Variants in CDH9 observed in about 807,000 individuals in gnomAD.
The protein encoded by CDH9 is cadherin-9.
CDH9 carries 28 observed loss-of-function variants against 70.9 expected under a neutral mutation model. That is an observed-to-expected ratio of 0.40 (90% CI 0.29 to 0.54). The LOEUF is 0.54. CDH9 is among the 20% of genes least tolerant of loss of function. The pLI, the probability that CDH9 is intolerant of heterozygous loss-of-function variation, is 0.59. For missense variants in CDH9, 874 were observed against 984.4 expected (o/e 0.89, Z 1.50); for synonymous variants, 409 against 343.1 (o/e 1.19, Z -2.12).
chr5:26,926,918 C>CT (rs1554037344), intron 2 of CDH9, among the ~76,000 whole-genome samples: 7 of 47,722 alleles, frequency 1.5e-4, no homozygotes, highest in African/African-American at 5.4e-4. Flanking sequence ...AAAAATACAG[C>CT]CCCCCCCCGC....
At chr5:27,030,193 G>A (rs911752107) in intron 1 of CDH9, among the ~76,000 whole-genome samples, 6 of 151,860 alleles carry the variant, frequency 4.0e-5, no homozygotes, top group Non-Finnish European at 7.4e-5. Context: ...TTCGTGAATT[G>A]TGACCTTGAC....
At position 26,914,731 on chromosome 5, in the gene CDH9, T is replaced by A. The variant is rs575461804; in HGVS notation, c.523+899A>T. Among the ~76,000 whole-genome samples the A allele has an allele frequency of 7.2e-5, 11 of 152,178 alleles. 1 individual carries two copies. In the South Asian group the frequency reaches 2.3e-3, roughly 32 times the overall value. On this transcript the variant is annotated intron_variant, in intron 3 of 11. Transcript: ENST00000231021. ...TCCTTCTATAGAAATTATTTTAGAC[T>A]GAAACATATATTAGTTATAAGAATG...
intron 7 of CDH9, among the ~76,000 whole-genome samples, chr5:26,897,348 A>G (rs1366014067): frequency 1.3e-5 from 2 of 151,950 alleles, no homozygotes; most frequent in Non-Finnish European, 2.9e-5. Context: ...ATAACAAAAC[A>G]TGTCAGAGAC....
chr5:26,994,983 G>A (rs1742643568), intron 1 of CDH9, among the ~76,000 whole-genome samples: 1 of 152,154 alleles, frequency 6.6e-6, no homozygotes, highest in South Asian at 2.1e-4. Flanking sequence ...AGCTTACCCC[G>A]TTTTAGTCTC....
chr5:26,884,651 G>T (rs1261457146), intron 11 of CDH9, among the ~76,000 whole-genome samples: 1 of 152,144 alleles, frequency 6.6e-6, no homozygotes, highest in African/African-American at 2.4e-5. Context: ...ATCCCCTACT[G>T]AAGTCCTGCA....
At chr5:26,917,665 A>C (rs901651282) in intron 2 of CDH9, among the ~76,000 whole-genome samples, 1 of 152,030 alleles carries the variant, frequency 6.6e-6, no homozygotes, top group African/African-American at 2.4e-5. Context: ...CCATCTCTGA[A>C]ATATCTTCTC....
At chr5:26,921,288 G>A (rs1741239306) in intron 2 of CDH9, among the ~76,000 whole-genome samples, 1 of 152,106 alleles carries the variant, frequency 6.6e-6, no homozygotes, top group Non-Finnish European at 1.5e-5. Flanking sequence ...TAACCTGTCA[G>A]AATATAGCTT....
chr5:27,015,049 C>G (rs1016682588), intron 1 of CDH9, among the ~76,000 whole-genome samples: 2 of 151,836 alleles, frequency 1.3e-5, no homozygotes, highest in Non-Finnish European at 2.9e-5. Flanking sequence ...AAACTTTCAA[C>G]AATTTGAATG....
intron 7 of CDH9, among the ~76,000 whole-genome samples, chr5:26,896,063 A>G (rs1406268526): frequency 6.6e-6 from 1 of 152,030 alleles, no homozygotes; most frequent in Non-Finnish European, 1.5e-5. Context: ...ATACAATTTG[A>G]GATTAATTTC....
intron 2 of CDH9, among the ~76,000 whole-genome samples, chr5:26,949,354 G>A (rs1254170518): frequency 6.6e-6 from 1 of 152,138 alleles, no homozygotes; most frequent in Non-Finnish European, 1.5e-5. Flanking sequence ...TGAGTTTAAA[G>A]CCAACTTTAG....
At chr5:26,986,911 C>T (rs965406511) in intron 2 of CDH9, among the ~76,000 whole-genome samples, 7 of 151,730 alleles carry the variant, frequency 4.6e-5, no homozygotes, top group African/African-American at 1.7e-4. Flanking sequence ...ACCTATGGAA[C>T]CAGAAAAGAG....
chr5:26,900,882 C>A (rs1740843668), intron 7 of CDH9, among the ~76,000 whole-genome samples: 1 of 151,976 alleles, frequency 6.6e-6, no homozygotes. Context: ...AACCCCTTGT[C>A]CTTTAAAAAA....
Position 27,028,951 on chromosome 5 carries a change from C to T in CDH9, c.-50+9512G>A, listed in dbSNP as rs796762172. On this transcript the variant is annotated intron_variant, in intron 1 of 11. Coordinates refer to ENST00000231021, the MANE Select transcript of CDH9 (RefSeq NM_016279.4). ...CAATAGTTAAAGGAATTGTTGGCCA[C>T]GTGAACAACTAAAAGATTACTTAAA... Among the ~76,000 whole-genome samples, 42 of 151,828 alleles carry T rather than the reference C, an allele frequency of 2.8e-4. 2 individuals are homozygous for T. Among genetic ancestry groups the T allele is most frequent in the Admixed American group, 1.4e-3 (22 of 15,192 alleles).
intron 2 of CDH9, among the ~76,000 whole-genome samples, chr5:26,943,135 C>A (rs896200176): frequency 3.9e-5 from 6 of 152,046 alleles, no homozygotes; most frequent in Non-Finnish European, 5.9e-5. Context: ...CAAACAAAAA[C>A]CAAAAATGCA....
At chr5:27,005,147 T>C (rs1157248162) in intron 1 of CDH9, among the ~76,000 whole-genome samples, 1 of 152,112 alleles carries the variant, frequency 6.6e-6, no homozygotes, top group Non-Finnish European at 1.5e-5. Flanking sequence ...GTATTATTAA[T>C]GGTGAGAGCA....
At chr5:26,899,284 C>G (rs182937658) in intron 7 of CDH9, among the ~76,000 whole-genome samples, 1 of 152,000 alleles carries the variant, frequency 6.6e-6, no homozygotes, top group South Asian at 2.1e-4. Flanking sequence ...GATCTAGAAC[C>G]AGAAATACCA....
chr5:26,900,270 A>G (rs1396096711), intron 7 of CDH9, among the ~76,000 whole-genome samples: 1 of 152,090 alleles, frequency 6.6e-6, no homozygotes, highest in African/African-American at 2.4e-5. Context: ...CATTAAGGAA[A>G]CATTCTAATT....
intron 2 of CDH9, among the ~76,000 whole-genome samples, chr5:26,944,428 A>G (rs922130328): frequency 2.0e-5 from 3 of 152,166 alleles, no homozygotes; most frequent in Non-Finnish European, 2.9e-5. Flanking sequence ...GGGCAAGAGG[A>G]TCGCTTGAGT....
intron 2 of CDH9, among the ~76,000 whole-genome samples, chr5:26,964,231 G>A (rs778210006): frequency 9.2e-5 from 14 of 151,444 alleles, no homozygotes; most frequent in South Asian, 2.1e-4. Flanking sequence ...ACAAGCACAC[G>A]CATTCATGGT....
Sources: allele counts gnomAD v4.1 joint callset (sites outside exome capture counted in the v4.1 genomes callset), GRCh38; gene constraint gnomAD v4.1.1; transcripts MANE v1.5; gene names NCBI Gene and HGNC (gene_info 2026-07-23, HGNC 2026-07-21).